The following FRS2 variants were observed in gnomAD, a reference collection of about 807,000 sequenced individuals.
FRS2 encodes fibroblast growth factor receptor substrate 2.
Under a neutral mutation model 43.9 loss-of-function variants are expected in FRS2, and 8 were observed. The ratio of observed to expected loss-of-function variants is 0.18; its 90% CI spans 0.11 to 0.33. The LOEUF is 0.33. Ranked by LOEUF, FRS2 falls within the 10% of genes least tolerant of loss-of-function variation. FRS2 has a pLI of 1.00. For missense variants in FRS2, 534 were observed against 627.6 expected, an observed-to-expected ratio of 0.85 and a Z score of 1.59; for synonymous variants, 219 against 220.3, an observed-to-expected ratio of 0.99 and a Z score of 0.05.
intron 1 of FRS2, among the ~76,000 whole-genome samples, chr12:69,523,772 A>T (rs562994861): frequency 1.2e-4 from 19 of 152,304 alleles, no homozygotes; most frequent in African/African-American, 4.6e-4. Flanking sequence ...GTCTAGTGGT[A>T]ACAAATTCCT....
chr12:69,533,159 T>C (rs1876967324), intron 3 of FRS2, among the ~76,000 whole-genome samples: 1 of 152,192 alleles, frequency 6.6e-6, no homozygotes, highest in African/African-American at 2.4e-5. Context: ...AAGAAGTTGT[T>C]TCTAACCAGG....
At chr12:69,572,328 A>C in intron 8 of FRS2, 47 bp downstream of exon 8, 1 of 1,434,320 alleles carries the variant, frequency 7.0e-7, no homozygotes, top group Non-Finnish European at 9.8e-7. Context: ...GTTCAGAGTT[A>C]GGGTATCACT....
At chr12:69,548,559 G>T (rs1429721544) in intron 3 of FRS2, among the ~76,000 whole-genome samples, 5 of 152,118 alleles carry the variant, frequency 3.3e-5, no homozygotes. Context: ...TTCTCATAAG[G>T]TATCTTTTCC....
intron 3 of FRS2, among the ~76,000 whole-genome samples, chr12:69,554,279 C>CT: frequency 6.6e-6 from 1 of 152,022 alleles, no homozygotes; most frequent in African/African-American, 2.4e-5. Context: ...AGAAAAAATC[C>CT]TTTTCATTCT....
In FRS2 at chr12:69,509,708, A is replaced by G. The variant is rs575372875; in HGVS notation, c.-260-21157A>G. On this transcript the variant is annotated intron_variant, in intron 1 of 8. Transcript: ENST00000549921. ...AGGTTTCAACTTTCTTGGTCTTGAT[A>G]GGTTATTCTTTTCCTTTTCTAGCTT... Among the ~76,000 whole-genome samples, 42 of 152,078 alleles carry G rather than the reference A, an allele frequency of 2.8e-4. No individual in the cohort carries two copies. In the South Asian group the frequency reaches 5.4e-3, roughly 20 times the overall value.
At chr12:69,476,737 G>A (rs1052257177) in intron 1 of FRS2, among the ~76,000 whole-genome samples, 3 of 142,622 alleles carry the variant, frequency 2.1e-5, no homozygotes, top group Non-Finnish European at 3.1e-5. Flanking sequence ...GTGGGCAGGC[G>A]GCTGTGGGGG....
intron 3 of FRS2, among the ~76,000 whole-genome samples, chr12:69,532,824 G>C (rs1876935699): frequency 6.6e-6 from 1 of 152,186 alleles, no homozygotes; most frequent in African/African-American, 2.4e-5. Context: ...AAGTACTGAA[G>C]TTGATATTGA....
intron 1 of FRS2, among the ~76,000 whole-genome samples, chr12:69,504,402 A>G (rs535469258): frequency 6.6e-6 from 1 of 152,298 alleles, no homozygotes; most frequent in South Asian, 2.1e-4. Flanking sequence ...AATTTAAAGC[A>G]TAGAACCAGG....
At chr12:69,485,486 T>C (rs1871845717) in intron 1 of FRS2, among the ~76,000 whole-genome samples, 1 of 143,626 alleles carries the variant, frequency 7.0e-6, no homozygotes, top group Admixed American at 7.0e-5. Context: ...CCAGCCTATT[T>C]ATTTATTTAT....
intron 3 of FRS2, among the ~76,000 whole-genome samples, chr12:69,538,402 G>A (rs554937102): frequency 6.6e-6 from 1 of 151,666 alleles, no homozygotes; most frequent in East Asian, 1.9e-4. Flanking sequence ...ATGCTAATCG[G>A]CGGTCTCCCA....
At chr12:69,559,194 A>G (rs1397347209) in intron 3 of FRS2, among the ~76,000 whole-genome samples, 1 of 152,238 alleles carries the variant, frequency 6.6e-6, no homozygotes, top group Non-Finnish European at 1.5e-5. Flanking sequence ...AAGTGAATTG[A>G]TGACAGTTTA....
rs146471898 is a variant in FRS2, at chr12:69,553,210, T to C, written c.-121-8970T>C. On this transcript the variant is annotated intron_variant, in intron 3 of 8. Transcript: ENST00000549921. ...CCTCAGCCTCCCGAGTAGTTGGGAT[T>C]ACAGGCGCCCACCTCCACGCCCGGC... Among the ~76,000 whole-genome samples, 178 of 152,180 alleles carry C rather than the reference T, an allele frequency of 1.2e-3. 3 individuals carry two copies. In the East Asian group the frequency reaches 0.027, roughly 23 times the overall value.
chr12:69,517,037 G>A lies in FRS2; in HGVS notation c.-260-13828G>A, dbSNP rs111903804. On this transcript the variant is annotated intron_variant, in intron 1 of 8. Coordinates refer to ENST00000549921, the MANE Select transcript of FRS2 (RefSeq NM_001278356.2). ...CAGTGAAAATTTCACATCTGACCTCGTGTCATGGGCTACAGTGAAAACACA... is the reference window on the plus strand; with the variant it reads ...CAGTGAAAATTTCACATCTGACCTCATGTCATGGGCTACAGTGAAAACACA... Among the ~76,000 whole-genome samples the A allele has an allele frequency of 5.8e-3, 879 of 152,164 alleles. 10 individuals carry two copies. The highest frequency in any genetic ancestry group is 9.6e-3 in the Non-Finnish European group (650 of 68,026).
At chr12:69,492,655 G>T (rs2120957006) in intron 1 of FRS2, among the ~76,000 whole-genome samples, 1 of 152,246 alleles carries the variant, frequency 6.6e-6, no homozygotes, top group East Asian at 1.9e-4. Context: ...AGGATAGCTT[G>T]GCTCCATATG....
chr12:69,546,744 G>A (rs755295056), intron 3 of FRS2, among the ~76,000 whole-genome samples: 2 of 152,138 alleles, frequency 1.3e-5, no homozygotes, highest in Non-Finnish European at 2.9e-5. Flanking sequence ...TGGTGAGGAC[G>A]TGGAAAAATT....
At chr12:69,498,758 T>C (rs1873157471) in intron 1 of FRS2, among the ~76,000 whole-genome samples, 2 of 151,934 alleles carry the variant, frequency 1.3e-5, no homozygotes, top group African/African-American at 4.8e-5. Context: ...TTGGCAGAGG[T>C]TATTCAGGGC....
chr12:69,550,825 T>G (rs1400372498), intron 3 of FRS2, among the ~76,000 whole-genome samples: 1 of 152,224 alleles, frequency 6.6e-6, no homozygotes, highest in African/African-American at 2.4e-5. Context: ...GAGTATTTTA[T>G]GTACATAATT....
rs2135821890 is a variant in FRS2, at chr12:69,574,132, T to C, written c.704T>C (p.Ile235Thr). 6.2e-7 allele frequency: 1 copy of C among 1,613,904 alleles called. No homozygotes were observed. The highest frequency in any genetic ancestry group is 8.5e-7 in the Non-Finnish European group (1 of 1,179,714). The change falls in exon 9 of 9, where the codon ATT becomes ACT. Residue 235 changes from isoleucine (I) to threonine (T), a missense_variant. By Grantham distance (89) the Ile-to-Thr change is moderately conservative. Around this residue, in one of 3 missense-constraint regions of FRS2, gnomAD observed 446 missense variants for 494.2 expected, o/e 0.90. Transcript: ENST00000549921. ...ACACCAAAAGAAGAACCAAGTAGTA[T>C]TGAGGACAGGGATCCTCAGATTCTT... ...SSTPKEEPSS[I>T]EDRDPQILLE...
At chr12:69,526,586 G>A (rs1876251222) in intron 1 of FRS2, among the ~76,000 whole-genome samples, 1 of 151,948 alleles carries the variant, frequency 6.6e-6, no homozygotes, top group Admixed American at 6.6e-5. Context: ...TTTAGAAAAA[G>A]AAAATTAGGA....
Sources: gnomAD v4.1 joint callset for allele counts (sites outside exome capture counted in the v4.1 genomes callset) on GRCh38, gnomAD v4.1.1 for gene constraint, gnomAD v4.1.1 regional missense constraint, MANE v1.5 for transcripts, NCBI Gene and HGNC (gene_info 2026-07-23, HGNC 2026-07-21) for gene names.